The following LRP1B variants were observed in gnomAD, a reference collection of about 807,000 sequenced individuals.
LRP1B encodes LDL receptor related protein 1B, also known as low-density lipoprotein receptor-related protein 1B.
A neutral mutation model predicts 556.6 loss-of-function variants in LRP1B; 217 were observed. The observed-to-expected ratio is 0.39, with a 90% CI of 0.35 to 0.44. The LOEUF is 0.44. Ranked by LOEUF, LRP1B falls within the 20% of genes least tolerant of loss-of-function variation. LRP1B has a pLI of 1.00. For missense variants in LRP1B, 5,053 were observed against 5,620.8 expected (o/e 0.90, Z 3.23); for synonymous variants, 2,047 against 1,865.8 (o/e 1.10, Z -2.50).
At chr2:141,704,249 C>T (rs1343090577) in intron 2 of LRP1B, among the ~76,000 whole-genome samples, 2 of 151,912 alleles carry the variant, frequency 1.3e-5, no homozygotes, top group Admixed American at 1.3e-4. Flanking sequence ...CATTGCACTT[C>T]TTTTCCGTTT....
intron 3 of LRP1B, among the ~76,000 whole-genome samples, chr2:141,467,845 G>GGC (rs1553518607): frequency 4.7e-5 from 6 of 127,362 alleles, no homozygotes; most frequent in Admixed American, 8.7e-5. Flanking sequence ...GGACCGGGGG[G>GGC]GGGGGAATTC....
intron 7 of LRP1B, among the ~76,000 whole-genome samples, chr2:141,082,179 A>C (rs947898776): frequency 2.0e-5 from 3 of 152,324 alleles, no homozygotes; most frequent in Admixed American, 6.5e-5. Flanking sequence ...CACACTGAGA[A>C]TCTCCAAGTT....
chr2:142,043,035 C>G (rs953210162), intron 1 of LRP1B, among the ~76,000 whole-genome samples: 4 of 151,370 alleles, frequency 2.6e-5, no homozygotes, highest in African/African-American at 9.7e-5. Flanking sequence ...TTATGTAACC[C>G]AATTTGTGAA....
intron 41 of LRP1B, among the ~76,000 whole-genome samples, chr2:140,655,866 C>T (rs1233460851): frequency 6.6e-6 from 1 of 151,376 alleles, no homozygotes; most frequent in African/African-American, 2.4e-5. Flanking sequence ...TGGCCTGTAC[C>T]CGGGAGGCGG....
chr2:141,032,298 C>T (rs908921495), intron 11 of LRP1B, among the ~76,000 whole-genome samples: 10 of 151,990 alleles, frequency 6.6e-5, no homozygotes, highest in Non-Finnish European at 1.2e-4. Context: ...ATATTGTTTC[C>T]AATTTATGAT....
chr2:141,478,132 T>C (rs13034415), intron 3 of LRP1B, among the ~76,000 whole-genome samples: 145,874 of 152,252 alleles, frequency 0.96, 70,203 homozygotes, highest in South Asian at 1. Flanking sequence ...AAATTAAAAG[T>C]ATTTTATTTT....
At chr2:142,121,640 G>T (rs935645662) in intron 1 of LRP1B, among the ~76,000 whole-genome samples, 1 of 152,078 alleles carries the variant, frequency 6.6e-6, no homozygotes, top group Non-Finnish European at 1.5e-5. Flanking sequence ...ACTCCCAATT[G>T]CATTGTCCTC....
intron 3 of LRP1B, among the ~76,000 whole-genome samples, chr2:141,427,523 A>G (rs1345183917): frequency 6.6e-6 from 1 of 152,210 alleles, no homozygotes; most frequent in Non-Finnish European, 1.5e-5. Flanking sequence ...AATCTCTTAT[A>G]GTTACTGTAA....
intron 31 of LRP1B, among the ~76,000 whole-genome samples, chr2:140,829,581 C>G (rs1029740235): frequency 6.6e-6 from 1 of 151,840 alleles, no homozygotes; most frequent in African/African-American, 2.4e-5. Flanking sequence ...TTTCATGAAA[C>G]AAATAAAATT....
rs191918083 is a variant in LRP1B at position 142,078,196 on chromosome 2, A to G, written c.82+52452T>C. Among the ~76,000 whole-genome samples the G allele has an allele frequency of 2.0e-5, 3 of 152,228 alleles. 1 individual carries two copies. The highest frequency in any genetic ancestry group is 2.1e-4 in the South Asian group (1 of 4,826). The stretch of plus-strand genomic sequence containing the variant: ...TGGGGCTCTCTACAAACTGATTGAA[A>G]TGTACATTTTCTCAACCTCCTCTGT... On this transcript the variant is annotated intron_variant, in intron 1 of 90. Transcript: ENST00000389484.
intron 3 of LRP1B, among the ~76,000 whole-genome samples, chr2:141,322,996 C>T (rs1405676934): frequency 6.6e-6 from 1 of 152,030 alleles, no homozygotes. Flanking sequence ...GACAACAATA[C>T]CTTCATCAGC....
chr2:140,715,677 T>C (rs898083727), intron 37 of LRP1B, among the ~76,000 whole-genome samples: 2 of 152,072 alleles, frequency 1.3e-5, no homozygotes, highest in Non-Finnish European at 2.9e-5. Context: ...CAATAAATAA[T>C]TGAATACCTA....
intron 41 of LRP1B, among the ~76,000 whole-genome samples, chr2:140,631,720 C>G (rs1163219836): frequency 6.6e-6 from 1 of 151,594 alleles, no homozygotes; most frequent in Non-Finnish European, 1.5e-5. Flanking sequence ...AAGGAAGAGA[C>G]AGCTGAAGAA....
intron 7 of LRP1B, among the ~76,000 whole-genome samples, chr2:141,109,784 T>C (rs1700702375): frequency 6.6e-6 from 1 of 152,204 alleles, no homozygotes; most frequent in Non-Finnish European, 1.5e-5. Context: ...CCTATCCTTC[T>C]GTTACCTTTA....
rs552673212 is a variant in LRP1B at position 140,525,714 on chromosome 2, G to A, written c.8026+130C>T. On this transcript the variant is annotated intron_variant, in intron 49 of 90. Coordinates refer to ENST00000389484, the MANE Select transcript of LRP1B (RefSeq NM_018557.3). ...TTTAGAACAGGTTAATTACATTTCA[G>A]TCTGTGCCATTTAAATTTTAATGTC... 3.5e-5 allele frequency: 27 copies of A among 761,646 alleles called. No homozygotes were observed. In the African/African-American group the frequency reaches 4.8e-4, roughly 14 times the overall value. 47.2% of individuals were successfully genotyped at this position (761,646 alleles called of 1,614,324 possible).
chr2:141,179,349 T>C (rs1195430647), intron 7 of LRP1B, among the ~76,000 whole-genome samples: 1 of 152,040 alleles, frequency 6.6e-6, no homozygotes, highest in African/African-American at 2.4e-5. Flanking sequence ...TTTCTTTGTA[T>C]GTTTCTTTTT....
chr2:142,068,581 A>AT (rs938530489), intron 1 of LRP1B, among the ~76,000 whole-genome samples: 13 of 134,220 alleles, frequency 9.7e-5, no homozygotes, highest in South Asian at 2.2e-4. Flanking sequence ...TATTGATGAT[A>AT]TTTTTTTTCA....
At chr2:140,962,981 G>C (rs1246414786) in intron 18 of LRP1B, among the ~76,000 whole-genome samples, 2 of 152,062 alleles carry the variant, frequency 1.3e-5, no homozygotes, top group East Asian at 3.9e-4. Flanking sequence ...ACGCTGCAGG[G>C]AAATACAGAG....
At chr2:140,303,014 T>TATATATATATATATAC (rs2105011240) in intron 83 of LRP1B, among the ~76,000 whole-genome samples, 1 of 17,538 alleles carries the variant, frequency 5.7e-5, no homozygotes, top group African/African-American at 1.4e-4. Context: ...ATCTCCTTCA[T>TATATATATATATATAC]ATATATATAT....
Sources: gnomAD v4.1 joint callset for allele counts (sites outside exome capture counted in the v4.1 genomes callset) on GRCh38, gnomAD v4.1.1 for gene constraint, MANE v1.5 for transcripts, NCBI Gene and HGNC (gene_info 2026-07-23, HGNC 2026-07-21) for gene names.